CAMK1D: variants seen among roughly 807,000 people sequenced by gnomAD.
The protein encoded by CAMK1D is calcium/calmodulin-dependent protein kinase type 1D.
In CAMK1D, 9 loss-of-function variants were observed where a neutral mutation model predicts 47.7. The observed-to-expected ratio is 0.19, with a 90% CI of 0.11 to 0.33. CAMK1D has a LOEUF of 0.33. Among genes scored for constraint, CAMK1D ranks in the 10% least tolerant of loss-of-function variants. The pLI is 1.00. For synonymous variants in CAMK1D, 184 were observed against 184.9 expected (o/e 0.99, Z 0.04); for missense variants, 291 against 488.7 (o/e 0.60, Z 3.81).
intron 1 of CAMK1D, among the ~76,000 whole-genome samples, chr10:12,365,010 T>C (rs1837789091): frequency 6.6e-6 from 1 of 151,610 alleles, no homozygotes; most frequent in Admixed American, 6.6e-5. Flanking sequence ...AGGCTGGAGT[T>C]CAGTGGTGCG....
In CAMK1D at chr10:12,672,379, CT is replaced by C. The variant is rs1011941741; in HGVS notation, c.299+5576del. Among the ~76,000 whole-genome samples the C allele has an allele frequency of 5.0e-4, 76 of 151,310 alleles. 1 individual carries two copies. Among genetic ancestry groups the C allele is most frequent in the African/African-American group, 1.6e-3 (65 of 41,200 alleles). ...GTTACATAATTTTAGCTTTTGCCTT[CT>C]TTTTTTGAGATGGTGTCTCACTCTG... On this transcript the variant is annotated intron_variant, in intron 3 of 10. Transcript: ENST00000619168.
chr10:12,700,273 G>T (rs1833461385), intron 3 of CAMK1D, among the ~76,000 whole-genome samples: 1 of 152,134 alleles, frequency 6.6e-6, no homozygotes, highest in Non-Finnish European at 1.5e-5. Flanking sequence ...GCGCAGGCCT[G>T]GGGAGGCCTC....
intron 2 of CAMK1D, among the ~76,000 whole-genome samples, chr10:12,632,358 A>C (rs1372475621): frequency 6.6e-6 from 1 of 152,172 alleles, no homozygotes; most frequent in Non-Finnish European, 1.5e-5. Flanking sequence ...AAGGGTAAGA[A>C]CTTTGGACCC....
chr10:12,603,048 T>C (rs1240439351), intron 2 of CAMK1D, among the ~76,000 whole-genome samples: 1 of 151,982 alleles, frequency 6.6e-6, no homozygotes, highest in East Asian at 1.9e-4. Flanking sequence ...ATAGCTGGGA[T>C]TACAGGCACG....
chr10:12,764,899 C>G (rs1031505464), intron 4 of CAMK1D, among the ~76,000 whole-genome samples: 1 of 152,236 alleles, frequency 6.6e-6, no homozygotes, highest in Admixed American at 6.5e-5. Context: ...AGTTTGAGAC[C>G]AGCCTGGCGA....
At chr10:12,539,582 G>C (rs1448735248) in intron 1 of CAMK1D, among the ~76,000 whole-genome samples, 2 of 152,228 alleles carry the variant, frequency 1.3e-5, no homozygotes, top group African/African-American at 4.8e-5. Flanking sequence ...CAGAACATGA[G>C]CATCTGCTAG....
At chr10:12,388,738 C>T (rs1269748816) in intron 1 of CAMK1D, among the ~76,000 whole-genome samples, 11 of 152,146 alleles carry the variant, frequency 7.2e-5, no homozygotes. Flanking sequence ...TTACCTGGGG[C>T]TAGAGGCTCC....
chr10:12,544,658 A>G (rs1306894417), intron 1 of CAMK1D, among the ~76,000 whole-genome samples: 1 of 152,278 alleles, frequency 6.6e-6, no homozygotes. Flanking sequence ...TGAAACTTAA[A>G]GAAACATATT....
intron 2 of CAMK1D, among the ~76,000 whole-genome samples, chr10:12,601,185 G>GTTTTTTTT (rs1564438027): frequency 1.2e-4 from 2 of 17,346 alleles, no homozygotes; most frequent in Non-Finnish European, 8.5e-4. Context: ...TTTTTTTTTT[G>GTTTTTTTT]TTTGTTTGTT....
At chr10:12,597,094 C>T (rs1838168276) in intron 2 of CAMK1D, among the ~76,000 whole-genome samples, 1 of 152,140 alleles carries the variant, frequency 6.6e-6, no homozygotes, top group Non-Finnish European at 1.5e-5. Flanking sequence ...ATACACAGCT[C>T]CTGCCGTGCA....
chr10:12,827,452 T>TTTC lies in CAMK1D; in HGVS notation c.1040-1315_1040-1314insCTT, dbSNP rs1491246140. 4.2e-5 allele frequency among the ~76,000 whole-genome samples: 3 copies of TTTC among 71,880 alleles called. 1 individual carries two copies. Among genetic ancestry groups the TTTC allele is most frequent in the African/African-American group, 1.4e-4 (3 of 22,086 alleles). 47.2% of individuals were successfully genotyped at this position (71,880 alleles called of 152,430 possible). A position where few individuals can be genotyped will look rare whatever the true frequency, so the allele number is the denominator to read the frequency against. ...CCTTCCTTCCTTCTTTCTTTCTTTC[T>TTTC]TTTCTTTCTTTGTCTGTCTGTCTTT... On this transcript the variant is annotated intron_variant, in intron 10 of 10. Coordinates refer to ENST00000619168, the MANE Select transcript of CAMK1D (RefSeq NM_153498.4).
chr10:12,390,419 AT>A (rs1055312972), intron 1 of CAMK1D, among the ~76,000 whole-genome samples: 4 of 152,174 alleles, frequency 2.6e-5, no homozygotes, highest in Admixed American at 2.6e-4. Flanking sequence ...TATAAGTAGA[AT>A]TCTAGAGCTA....
Position 12,816,478 on chromosome 10 carries a change from C to A in CAMK1D, c.833+150C>A, listed in dbSNP as rs549962116. On this transcript the variant is annotated intron_variant, in intron 8 of 10. Coordinates refer to ENST00000619168, the MANE Select transcript of CAMK1D (RefSeq NM_153498.4). ...CTGGCCAGTGACTTTCCTCCTCTCC[C>A]CAAGCCAACATTTGAACTCTTGTGC... 8.6e-5 allele frequency: 56 copies of A among 652,306 alleles called. No individual in the cohort carries two copies. The African/African-American group carries it at 9.2e-4, about 11-fold the overall frequency. The allele number at this position is 652,306 out of a possible 1,614,324, so 40.4% of individuals were successfully genotyped here. A position where few individuals can be genotyped will look rare whatever the true frequency, so the allele number is the denominator to read the frequency against.
intron 4 of CAMK1D, among the ~76,000 whole-genome samples, 158 bp from the exon 5 acceptor site, chr10:12,769,515 C>G (rs1372767196): frequency 6.6e-6 from 1 of 152,340 alleles, no homozygotes; most frequent in South Asian, 2.1e-4. Flanking sequence ...GCGCTCTGCA[C>G]TGTTTCTATT....
At chr10:12,797,272 C>G (rs1172193178) in intron 6 of CAMK1D, among the ~76,000 whole-genome samples, 1 of 148,488 alleles carries the variant, frequency 6.7e-6, no homozygotes, top group Non-Finnish European at 1.5e-5. Context: ...AATCATAGTT[C>G]AATGCAGCCT....
intron 1 of CAMK1D, among the ~76,000 whole-genome samples, chr10:12,402,531 T>C (rs1839266877): frequency 6.6e-6 from 1 of 152,250 alleles, no homozygotes; most frequent in Non-Finnish European, 1.5e-5. Flanking sequence ...ATTTGGTTTT[T>C]ATCCTGTCAG....
intron 3 of CAMK1D, among the ~76,000 whole-genome samples, chr10:12,734,343 AAAATATATATATAT>A (rs1315938506): frequency 1.6e-3 from 27 of 17,124 alleles, no homozygotes; most frequent in South Asian, 6.5e-3. Context: ...AAAAAAAAAA[AAAATATATATATAT>A]ATATATATAT....
At chr10:12,815,712 C>T (rs1228444909) in intron 7 of CAMK1D, among the ~76,000 whole-genome samples, 1 of 152,242 alleles carries the variant, frequency 6.6e-6, no homozygotes, top group Non-Finnish European at 1.5e-5. Flanking sequence ...CCACTTCCCC[C>T]AGCAGGGCAC....
At chr10:12,378,293 C>T (rs1197791897) in intron 1 of CAMK1D, among the ~76,000 whole-genome samples, 1 of 152,176 alleles carries the variant, frequency 6.6e-6, no homozygotes, top group Non-Finnish European at 1.5e-5. Context: ...ATTGCCCAGG[C>T]TAGGGTGAGG....
Sources: allele counts gnomAD v4.1 joint callset (sites outside exome capture counted in the v4.1 genomes callset), GRCh38; gene constraint gnomAD v4.1.1; transcripts MANE v1.5; gene names NCBI Gene and HGNC (gene_info 2026-07-23, HGNC 2026-07-21).